Variants in SLMAP observed in about 807,000 individuals in gnomAD.
The protein encoded by SLMAP is sarcolemma associated protein.
SLMAP carries 44 observed loss-of-function variants against 128.8 expected under a neutral mutation model. The observed-to-expected ratio is 0.34, with a 90% CI of 0.27 to 0.44. The LOEUF is 0.44. SLMAP is among the 20% of genes least tolerant of loss of function. The probability of loss-of-function intolerance (pLI) is 1.00; values close to 1 mark genes in which losing one functional copy is unlikely to be tolerated. For synonymous variants in SLMAP, 327 were observed against 348.8 expected (o/e 0.94, Z 0.70); for missense variants, 787 against 985.3 (o/e 0.80, Z 2.69).
chr3:57,924,390 C>T (rs1305967622), intron 23 of SLMAP, among the ~76,000 whole-genome samples: 2 of 149,554 alleles, frequency 1.3e-5, no homozygotes, highest in Admixed American at 1.3e-4. Context: ...TTTTTTGAGA[C>T]GGAGTTTTGC....
At position 57,909,103 on chromosome 3, in the gene SLMAP, A is replaced by T; in HGVS notation, c.1652A>T (p.Tyr551Phe). 1 of 1,611,992 alleles carries T rather than the reference A, an allele frequency of 6.2e-7. No individual in the cohort carries two copies. Residue 551 changes from tyrosine to phenylalanine, a missense_variant, in exon 19 of 25, where the codon TAT (tyrosine) becomes TTT (phenylalanine). Physicochemically the swap from Tyr to Phe is conservative, Grantham distance 22. Around this residue, in one of 2 missense-constraint regions of SLMAP, gnomAD observed 715 missense variants for 843.6 expected, o/e 0.85. Coordinates refer to ENST00000671191, the MANE Select transcript of SLMAP (RefSeq NM_001377540.1). ...CTTTTGGAAGAAGAAAGAAAAGCCT[A>T]TCGAAATCAAGTTGAGGAATCCACT... Reference protein sequence around the residue: ...QALLEEERKAYRNQVEESTKQ... With the variant: ...QALLEEERKAFRNQVEESTKQ...
At chr3:57,894,447 A>T (rs1383539310) in intron 15 of SLMAP, among the ~76,000 whole-genome samples, 1 of 152,250 alleles carries the variant, frequency 6.6e-6, no homozygotes, top group Admixed American at 6.5e-5. Flanking sequence ...AGCATTATGT[A>T]TCGCATATGT....
At chr3:57,889,388 T>C (rs557608273) in intron 14 of SLMAP, among the ~76,000 whole-genome samples, 19 of 152,160 alleles carry the variant, frequency 1.2e-4, no homozygotes, top group Non-Finnish European at 2.4e-4. Flanking sequence ...TCTTCACATA[T>C]ATTACAAATG....
chr3:57,793,896 T>TAAA (rs76713113), intron 2 of SLMAP, among the ~76,000 whole-genome samples: 1 of 130,306 alleles, frequency 7.7e-6, no homozygotes. Flanking sequence ...CTATCTTTCT[T>TAAA]AAAAAAAAAA....
intron 2 of SLMAP, among the ~76,000 whole-genome samples, chr3:57,789,575 A>G (rs557731786): frequency 6.6e-6 from 1 of 152,230 alleles, no homozygotes; most frequent in Admixed American, 6.5e-5. Context: ...CTTTGGCTAA[A>G]ACTGGATTTT....
chr3:57,880,775 C>T (rs79353264), intron 14 of SLMAP, among the ~76,000 whole-genome samples: 23,499 of 151,502 alleles, frequency 0.16, 2,401 homozygotes, highest in East Asian at 0.43. Flanking sequence ...GTCATACCTG[C>T]CCGGGAGGCT....
At chr3:57,784,985 T>C (rs1447894363) in intron 2 of SLMAP, among the ~76,000 whole-genome samples, 1 of 152,178 alleles carries the variant, frequency 6.6e-6, no homozygotes, top group Non-Finnish European at 1.5e-5. Context: ...GGCAACTTGA[T>C]GTTGAACTTC....
chr3:57,827,656 C>T (rs1225320405), intron 2 of SLMAP, among the ~76,000 whole-genome samples: 1 of 152,216 alleles, frequency 6.6e-6, no homozygotes, highest in African/African-American at 2.4e-5. Flanking sequence ...TGCTCAACAT[C>T]AAAGTGAATG....
intron 3 of SLMAP, among the ~76,000 whole-genome samples, chr3:57,837,413 G>A (rs2093689094): frequency 6.6e-6 from 1 of 152,166 alleles, no homozygotes; most frequent in African/African-American, 2.4e-5. Flanking sequence ...CTGTTGGCCA[G>A]GCTGGAGTGC....
In SLMAP at chr3:57,858,078, T is replaced by A. The variant is rs1247116560; in HGVS notation, c.616-10T>A. The A allele has an allele frequency of 6.6e-7, 1 of 1,522,700 alleles. No individual in the cohort carries two copies. The highest frequency in any genetic ancestry group is 9.1e-7 in the Non-Finnish European group (1 of 1,099,868). The allele number at this position is 1,522,700 out of a possible 1,614,324, so 94.3% of individuals were successfully genotyped here. ...TCGGGTTTTACTTACATTTAATTTT[T>A]CTTCAATAGGCTTTAATAGATGAAG... On this transcript the variant is annotated splice_polypyrimidine_tract_variant and intron_variant, in intron 7 of 24. Transcript: ENST00000671191.
chr3:57,908,057 T>G, intron 18 of SLMAP, 51 bp downstream of exon 18: 1 of 1,569,448 alleles, frequency 6.4e-7, no homozygotes, highest in Non-Finnish European at 8.7e-7. Flanking sequence ...GGCAGCACAA[T>G]ATAATTGGGT....
chr3:57,912,364 T>G lies in SLMAP; in HGVS notation c.1700-17T>G. On this transcript the variant is annotated splice_polypyrimidine_tract_variant and intron_variant, in intron 19 of 24. Coordinates refer to ENST00000671191, the MANE Select transcript of SLMAP (RefSeq NM_001377540.1). ...TTATTCTAATGGGCCAAGAAAATGA[T>G]GGATATACTTTTGCAGCCCAATTGC... 6.3e-7 allele frequency: 1 copy of G among 1,595,732 alleles called. No homozygotes were observed. The highest frequency in any genetic ancestry group is 1.3e-5 in the African/African-American group (1 of 74,680).
At chr3:57,910,434 G>T (rs2096666246) in intron 19 of SLMAP, among the ~76,000 whole-genome samples, 1 of 152,020 alleles carries the variant, frequency 6.6e-6, no homozygotes, top group African/African-American at 2.4e-5. Flanking sequence ...CACCCACCTT[G>T]GCCTCCCAAA....
intron 17 of SLMAP, chr3:57,897,169 AT>A: frequency 8.5e-7 from 1 of 1,182,308 alleles, no homozygotes. Context: ...AAGTGGTAGA[AT>A]ATGAAATGCA....
intron 6 of SLMAP, among the ~76,000 whole-genome samples, chr3:57,854,502 G>C (rs1326278010): frequency 6.6e-6 from 1 of 152,136 alleles, no homozygotes; most frequent in African/African-American, 2.4e-5. Context: ...GAAGGCTGAG[G>C]CATGAGAATT....
At chr3:57,873,378 C>T (rs1046178593) in intron 14 of SLMAP, among the ~76,000 whole-genome samples, 1 of 151,962 alleles carries the variant, frequency 6.6e-6, no homozygotes, top group Non-Finnish European at 1.5e-5. Context: ...TAGCACATGC[C>T]TATAATCCCA....
intron 4 of SLMAP, among the ~76,000 whole-genome samples, chr3:57,844,183 A>G (rs1364364596): frequency 6.6e-6 from 1 of 151,986 alleles, no homozygotes; most frequent in Non-Finnish European, 1.5e-5. Flanking sequence ...GCCTGAGCTC[A>G]GGAGTTTGAG....
intron 19 of SLMAP, among the ~76,000 whole-genome samples, chr3:57,911,493 G>T (rs1400282071): frequency 6.6e-6 from 1 of 151,792 alleles, no homozygotes; most frequent in Non-Finnish European, 1.5e-5. Context: ...TTCCAGTTTG[G>T]GTCATGAGCA....
intron 2 of SLMAP, among the ~76,000 whole-genome samples, chr3:57,776,519 TCTC>T (rs1336983963): frequency 0.038 from 4,722 of 123,528 alleles, 127 homozygotes; most frequent in Non-Finnish European, 0.061. Flanking sequence ...TCTCTCTCTC[TCTC>T]TTTTTTTTTT....
Sources: allele counts gnomAD v4.1 joint callset (sites outside exome capture counted in the v4.1 genomes callset), GRCh38; gene constraint gnomAD v4.1.1; regional missense constraint gnomAD v4.1.1; transcripts MANE v1.5; gene names NCBI Gene and HGNC (gene_info 2026-07-23, HGNC 2026-07-21).